The following NPDC1 variants were observed in gnomAD, a reference collection of about 807,000 sequenced individuals.
NPDC1 encodes the protein neural proliferation differentiation and control protein 1.
A neutral mutation model predicts 32.5 loss-of-function variants in NPDC1; 18 were observed. That is an observed-to-expected ratio of 0.55 (90% confidence interval 0.38 to 0.82). The LOEUF is 0.82. NPDC1 is among the 40% of genes least tolerant of loss of function. The pLI is 0.00. For synonymous variants in NPDC1, 210 were observed against 184.7 expected (o/e 1.14, Z -1.11); for missense variants, 468 against 406.6 (o/e 1.15, Z -1.30).
chr9:137,045,802 G>T, intron 1 of NPDC1, 76 bp downstream of exon 1: 2 of 935,016 alleles, frequency 2.1e-6, no homozygotes, highest in African/African-American at 1.8e-5. Flanking sequence ...GGGCGGCGGC[G>T]CCCGGCAACC....
intron 1 of NPDC1, among the ~76,000 whole-genome samples, chr9:137,044,523 A>C (rs1397382453): frequency 6.6e-6 from 1 of 151,970 alleles, no homozygotes; most frequent in Non-Finnish European, 1.5e-5. Flanking sequence ...AGGAGCCTCC[A>C]TCCCCCACTT....
At position 137,040,730 on chromosome 9, in the gene NPDC1, G is replaced by C; in HGVS notation, c.564C>G (p.Ile188Met). 1.3e-6 allele frequency: 2 copies of C among 1,589,674 alleles called. No individual in the cohort carries two copies. The highest frequency in any genetic ancestry group is 1.7e-4 in the Middle Eastern group (1 of 6,046). The change falls in exon 5 of 9, where the codon ATC (isoleucine) becomes ATG (methionine). Residue 188 changes from isoleucine to methionine, a missense_variant. Transcript: ENST00000371601. ...GQGDGLALVL[I>M]LAFCVAGAAA... is the part of the protein sequence containing the mutation. ...CTGCACCGGCCACACAGAACGCCAG[G>C]ATCAGCACTGCAGGAGGGGGCGTGT...
chr9:137,043,528 G>C (rs1210239212), intron 1 of NPDC1: 1 of 605,328 alleles, frequency 1.7e-6, no homozygotes, highest in South Asian at 2.0e-5. Flanking sequence ...TCTCCTTCCC[G>C]TGCGGCTCTC....
rs1182373546 is a variant in NPDC1, at chr9:137,040,574, A to G, written c.648T>C (p.Thr216=). The G allele has an allele frequency of 1.3e-6, 2 of 1,578,378 alleles. No individual in the cohort carries two copies. The highest frequency in any genetic ancestry group is 1.7e-6 in the Non-Finnish European group (2 of 1,168,132). The part of the protein sequence containing the change: ...WCRLQREIRL[T]QKADYATAKA... ...TCGCAGTGGCGTAGTCGGCCTTCTG[A>G]GTCAGGCGGATCTCACGCTGCAGCC... Residue 216 remains threonine, a synonymous_variant, in exon 6 of 9, where the codon ACT becomes ACC. Coordinates refer to ENST00000371601, the MANE Select transcript of NPDC1 (RefSeq NM_015392.4).
At chr9:137,040,473 A>T in intron 6 of NPDC1, 37 bp from the exon 7 acceptor site, 1 of 1,573,610 alleles carries the variant, frequency 6.4e-7, no homozygotes, top group Non-Finnish European at 8.6e-7. Flanking sequence ...GTTGGCGGCC[A>T]GAGTTGGGCG....
chr9:137,040,848 C>A lies in NPDC1; in HGVS notation c.522G>T (p.Glu174Asp). ...SSDPVHMSPLEPRGGQGDGLA... is the reference protein window; with the variant it reads ...SSDPVHMSPLDPRGGQGDGLA... Reference sequence around the variant, plus strand: ...GGCCGTCGCCTTGCCCTCCCCGGGGCTCCAGGGGCGACATGTGCACCGGGT... The same window carrying A: ...GGCCGTCGCCTTGCCCTCCCCGGGGATCCAGGGGCGACATGTGCACCGGGT... Residue 174 changes from glutamate (E) to aspartate (D), a missense_variant, in exon 4 of 9, where the codon GAG (glutamate) becomes GAT (aspartate). Coordinates refer to ENST00000371601, the MANE Select transcript of NPDC1 (RefSeq NM_015392.4). 1 of 1,597,700 alleles carries A rather than the reference C, an allele frequency of 6.3e-7. No homozygotes were observed. The highest frequency in any genetic ancestry group is 8.5e-7 in the Non-Finnish European group (1 of 1,175,706).
Position 137,039,674 on chromosome 9 carries a change from A to G in NPDC1, c.*98T>C. The G allele has an allele frequency of 1.6e-6, 1 of 614,562 alleles. No homozygotes were observed. The highest frequency in any genetic ancestry group is 2.9e-6 in the Non-Finnish European group (1 of 342,450). 38.1% of individuals were successfully genotyped at this position (614,562 alleles called of 1,614,324 possible). A position where few individuals can be genotyped will look rare whatever the true frequency, so the allele number is the denominator to read the frequency against. On this transcript the variant is annotated 3_prime_UTR_variant, in exon 9 of 9. Coordinates refer to ENST00000371601, the MANE Select transcript of NPDC1 (RefSeq NM_015392.4). Reference sequence around the variant, plus strand: ...GAGCCCGAGGCCCAGCCAAAAGCACACAGCATCAAAACATGTTTTTAGTGG... The same window carrying G: ...GAGCCCGAGGCCCAGCCAAAAGCACGCAGCATCAAAACATGTTTTTAGTGG...
At chr9:137,042,026 G>T (rs1011950285) in intron 2 of NPDC1, among the ~76,000 whole-genome samples, 3 of 152,226 alleles carry the variant, frequency 2.0e-5, no homozygotes, top group African/African-American at 7.2e-5. Context: ...GCCCAGGCCC[G>T]GGGAGAATGG....
At position 137,044,662 on chromosome 9, in the gene NPDC1, G is replaced by A. The variant is rs921896023; in HGVS notation, c.112+1216C>T. ...AAGCACTGGGCACTGGGAATGGGAG[G>A]AGTTGCCTAGGGAGGGCCCTGCCAG... On this transcript the variant is annotated intron_variant, in intron 1 of 8. Transcript: ENST00000371601. Among the ~76,000 whole-genome samples the A allele has an allele frequency of 1.7e-4, 26 of 152,350 alleles. No individual in the cohort carries two copies. The East Asian group carries it at 4.8e-3, about 28-fold the overall frequency.
At chr9:137,042,816 C>A in intron 2 of NPDC1, 111 bp downstream of exon 2, 1 of 1,360,006 alleles carries the variant, frequency 7.4e-7, no homozygotes, top group Non-Finnish European at 1.0e-6. Flanking sequence ...CCTGGGCCTC[C>A]CACAGTGCTG....
Position 137,046,050 on chromosome 9 carries a change from C to T in NPDC1, c.-61G>A. ...GAGGCCAGGGGCTCGGCGCGGGCTC[C>T]GGGCTCCGCGTCGGGAGCAGCGGAG... On this transcript the variant is annotated 5_prime_UTR_variant, in exon 1 of 9. Transcript: ENST00000371601. 1 of 1,159,042 alleles carries T rather than the reference C, an allele frequency of 8.6e-7. No homozygotes were observed. Among genetic ancestry groups the T allele is most frequent in the Non-Finnish European group, 1.1e-6 (1 of 940,546 alleles). The allele number at this position is 1,159,042 out of a possible 1,614,324, so 71.8% of individuals were successfully genotyped here.
rs371483280 is a variant in NPDC1 at position 137,040,961 on chromosome 9, C to T, written c.409G>A (p.Gly137Arg). ...GGGAGGCCCAGCTCCAGCCCCTGCC[C>T]CCGTGCCGAGAAGCCCAGGGTGGCT... is the stretch of plus-strand genomic sequence containing the variant. ...EPATLGFSAR[G>R]QGLELGLPST... is the part of the protein sequence containing the mutation. Residue 137 changes from glycine to arginine, a missense_variant, in exon 4 of 9, where the codon GGG becomes AGG. Coordinates refer to ENST00000371601, the MANE Select transcript of NPDC1 (RefSeq NM_015392.4). The T allele has an allele frequency of 1.3e-6, 2 of 1,545,218 alleles. No individual in the cohort carries two copies. The highest frequency in any genetic ancestry group is 4.5e-5 in the East Asian group (2 of 44,274).
chr9:137,045,491 C>A (rs953815586), intron 1 of NPDC1, among the ~76,000 whole-genome samples: 5 of 152,206 alleles, frequency 3.3e-5, no homozygotes, highest in Non-Finnish European at 7.3e-5. Flanking sequence ...TCAGGGCCAG[C>A]CCCACACCCG....
rs1588546778 is a variant in NPDC1, at chr9:137,039,993, T to C, written c.863A>G (p.Tyr288Cys). 1 of 779,112 alleles carries C rather than the reference T, an allele frequency of 1.3e-6. No individual in the cohort carries two copies. The highest frequency in any genetic ancestry group is 1.3e-5 in the South Asian group (1 of 74,610). 48.3% of individuals were successfully genotyped at this position (779,112 alleles called of 1,614,324 possible). A position where few individuals can be genotyped will look rare whatever the true frequency, so the allele number is the denominator to read the frequency against. ...EENEDGDFTV[Y>C]ECPGLAPTGE... The stretch of plus-strand genomic sequence containing the variant: ...CACCGGGGCCAGGCCCGGGCACTCG[T>C]ACACCGTGAAGTCTCCGTCCTCATT... The change falls in exon 8 of 9, where the codon TAC becomes TGC. Residue 288 changes from tyrosine (Y) to cysteine (C), a missense_variant. Coordinates refer to ENST00000371601, the MANE Select transcript of NPDC1 (RefSeq NM_015392.4).
rs187473008 is a variant in NPDC1, at chr9:137,040,074, G to A, written c.789-7C>T. On this transcript the variant is annotated splice_polypyrimidine_tract_variant and splice_region_variant and intron_variant, in intron 7 of 8. Coordinates refer to ENST00000371601, the MANE Select transcript of NPDC1 (RefSeq NM_015392.4). ...CTTGGGTGGCTCTTTATGCCTGGGT[G>A]GGGGGGGATCGCTGGGTCCTCCCCA... The A allele has an allele frequency of 7.7e-6, 6 of 774,458 alleles. No individual in the cohort carries two copies. Among genetic ancestry groups the A allele is most frequent in the African/African-American group, 3.4e-5 (2 of 58,842 alleles). 48.0% of individuals were successfully genotyped at this position (774,458 alleles called of 1,614,324 possible). A position where few individuals can be genotyped will look rare whatever the true frequency, so the allele number is the denominator to read the frequency against.
rs751130046 is a variant in NPDC1, at chr9:137,043,028, C to T, written c.158G>A (p.Arg53Gln). 8 of 1,612,712 alleles carry T rather than the reference C, an allele frequency of 5.0e-6. No individual in the cohort carries two copies. Among genetic ancestry groups the T allele is most frequent in the South Asian group, 2.2e-5 (2 of 91,084 alleles). ...PGSLDCALKR[R>Q]ARCPPGAHAC... Reference sequence around the variant, plus strand: ...ATGTGCACCAGGAGGACACCTTGCCCGCCTCTTCAGGGCACAGTCCAGGCT... The same window carrying T: ...ATGTGCACCAGGAGGACACCTTGCCTGCCTCTTCAGGGCACAGTCCAGGCT... Residue 53 changes from arginine to glutamine, a missense_variant, in exon 2 of 9, where the codon CGG becomes CAG. Arg to Gln is a conservative substitution (Grantham distance 43). Transcript: ENST00000371601.
At chr9:137,041,460 A>C (rs1832054775) in intron 2 of NPDC1, among the ~76,000 whole-genome samples, 1 of 152,078 alleles carries the variant, frequency 6.6e-6, no homozygotes, top group Non-Finnish European at 1.5e-5. Context: ...TCTCGCCCCA[A>C]CCCATGTCCA....
intron 2 of NPDC1, among the ~76,000 whole-genome samples, chr9:137,042,523 C>T (rs1260736965): frequency 6.8e-6 from 1 of 146,076 alleles, no homozygotes; most frequent in East Asian, 2.0e-4. Flanking sequence ...TCCCAAAGTG[C>T]TGGGATTACA....
rs1832034171 is a variant in NPDC1, at chr9:137,040,707, G to A, written c.587C>T (p.Ala196Val). The A allele has an allele frequency of 6.3e-7, 1 of 1,588,264 alleles. No individual in the cohort carries two copies. Among genetic ancestry groups the A allele is most frequent in the Non-Finnish European group, 8.5e-7 (1 of 1,172,830 alleles). ...VLILAFCVAG[A>V]AALSVASLCW... ...GAGGGAGGCTACGGAGAGGGCGGCT[G>A]CACCGGCCACACAGAACGCCAGGAT... The change falls in exon 5 of 9, where the codon GCA becomes GTA. Residue 196 changes from alanine (A) to valine (V), a missense_variant. Ala to Val is a moderately conservative substitution (Grantham distance 64). Coordinates refer to ENST00000371601, the MANE Select transcript of NPDC1 (RefSeq NM_015392.4).
Sources: gnomAD v4.1 joint callset for allele counts (sites outside exome capture counted in the v4.1 genomes callset) on GRCh38, gnomAD v4.1.1 for gene constraint, MANE v1.5 for transcripts, NCBI Gene and HGNC (gene_info 2026-07-23, HGNC 2026-07-21) for gene names.